Variants in XPNPEP2 observed in about 807,000 individuals in gnomAD.
XPNPEP2 encodes the protein X-prolyl aminopeptidase 2, also known as xaa-Pro aminopeptidase 2.
XPNPEP2 carries 64 observed loss-of-function variants against 59.8 expected under a neutral mutation model. The ratio of observed to expected loss-of-function variants is 1.07; its 90% CI spans 0.87 to 1.32. XPNPEP2 has a LOEUF of 1.32. Ranked by LOEUF, XPNPEP2 falls within the 40% of genes most tolerant of loss-of-function variation. The pLI is 0.00. For missense variants in XPNPEP2, 575 were observed against 546.8 expected (o/e 1.05, Z -0.51); for synonymous variants, 235 against 210.0 (o/e 1.12, Z -1.03).
chrX:129,759,218 G>C lies in XPNPEP2; in HGVS notation c.1406G>C (p.Gly469Ala). The C allele has an allele frequency of 8.3e-7, 1 of 1,211,711 alleles. No individual in the cohort carries two copies. Among genetic ancestry groups the C allele is most frequent in the East Asian group, 3.0e-5 (1 of 33,823 alleles). The change falls in exon 15 of 21, where the codon GGC (glycine) becomes GCC (alanine). Residue 469 changes from glycine (G) to alanine (A), a missense_variant. Gly to Ala is a moderately conservative substitution (Grantham distance 60). Coordinates refer to ENST00000371106, the MANE Select transcript of XPNPEP2 (RefSeq NM_003399.6). ...TTDITRTVHW[G>A]TPSAFQKEAY... is the part of the protein sequence containing the mutation. ...GACATCACCAGAACAGTCCACTGGG[G>C]CACCCCCTCTGCCTTCCAGAAGGTA...
chrX:129,747,591 C>G lies in XPNPEP2; in HGVS notation c.491-16C>G. ...TAAATGGGCAAGGGACAAGTGACTC[C>G]TTCTTGTCTCTGCAGACACCTGGGA... On this transcript the variant is annotated splice_polypyrimidine_tract_variant and intron_variant, in intron 6 of 20. Coordinates refer to ENST00000371106, the MANE Select transcript of XPNPEP2 (RefSeq NM_003399.6). The G allele has an allele frequency of 8.3e-7, 1 of 1,209,111 alleles. No individual in the cohort carries two copies.
intron 2 of XPNPEP2, among the ~76,000 whole-genome samples, chrX:129,743,211 G>A (rs546575889): frequency 1.9e-4 from 21 of 112,684 alleles, no homozygotes; most frequent in African/African-American, 5.5e-4. Context: ...TGGATATATC[G>A]TGGAGTAGAA....
chrX:129,753,018 C>T, intron 10 of XPNPEP2, 141 bp from the exon 11 acceptor site: 1 of 506,378 alleles, frequency 2.0e-6, no homozygotes, highest in South Asian at 3.0e-5. Context: ...GAGAGCATTG[C>T]CACGAAATGG....
chrX:129,750,709 C>A (rs1195518227), intron 8 of XPNPEP2, 140 bp downstream of exon 8: 5 of 497,753 alleles, frequency 1.0e-5, no homozygotes, highest in East Asian at 7.8e-5. Flanking sequence ...GGCCACAGCC[C>A]GTGGGAACCA....
At chrX:129,741,160 C>G (rs759425876) in intron 1 of XPNPEP2, among the ~76,000 whole-genome samples, 6 of 81,995 alleles carry the variant, frequency 7.3e-5, no homozygotes, top group Non-Finnish European at 6.6e-5. Context: ...GAGATGGTTG[C>G]TCAATGAATA....
chrX:129,762,156 A>G, intron 18 of XPNPEP2, 91 bp downstream of exon 18: 2 of 973,645 alleles, frequency 2.1e-6, no homozygotes, highest in Non-Finnish European at 2.9e-6. Context: ...ACTTCAGAGG[A>G]GCACAGCAGG....
chrX:129,758,335 G>C (rs1926594344), intron 14 of XPNPEP2, among the ~76,000 whole-genome samples: 1 of 111,280 alleles, frequency 9.0e-6, no homozygotes, highest in Non-Finnish European at 1.9e-5. Context: ...GCTCAGAGTA[G>C]GGTGAGGCCG....
In XPNPEP2 at chrX:129,764,076, C is replaced by T. The variant is rs925507321; in HGVS notation, c.1740+1306C>T. 1.1e-4 allele frequency among the ~76,000 whole-genome samples: 12 copies of T among 107,481 alleles called. No homozygotes were observed. The East Asian group carries it at 3.0e-3, about 27-fold the overall frequency. The allele number at this position is 107,481 out of a possible 115,157, so 93.3% of individuals were successfully genotyped here. ...AGTCTTTCTGTGCAAGACCAGAAGC[C>T]ATGAAGGAAAAGATTAATAACTCTG... On this transcript the variant is annotated intron_variant, in intron 19 of 20. Coordinates refer to ENST00000371106, the MANE Select transcript of XPNPEP2 (RefSeq NM_003399.6).
chrX:129,746,508 G>C (rs1926299854), intron 5 of XPNPEP2, 87 bp from the exon 6 acceptor site: 1 of 1,005,911 alleles, frequency 9.9e-7, no homozygotes, highest in Non-Finnish European at 1.4e-6. Flanking sequence ...GACACACATG[G>C]TAGGACCATC....
intron 1 of XPNPEP2, among the ~76,000 whole-genome samples, chrX:129,740,938 T>C (rs1297412960): frequency 1.2e-5 from 1 of 80,600 alleles, no homozygotes; most frequent in Non-Finnish European, 2.3e-5. Context: ...AGACTCTGTC[T>C]CAAAAAAAAA....
intron 4 of XPNPEP2, 80 bp from the exon 5 acceptor site, chrX:129,746,156 G>T: frequency 1.2e-6 from 1 of 823,752 alleles, no homozygotes; most frequent in South Asian, 2.2e-5. Flanking sequence ...CTCAGAGCCA[G>T]CACTGCATTG....
rs1485800701 is a variant in XPNPEP2, at chrX:129,755,449, G to C, written c.1295+78G>C. On this transcript the variant is annotated intron_variant, in intron 13 of 20. Coordinates refer to ENST00000371106, the MANE Select transcript of XPNPEP2 (RefSeq NM_003399.6). ...GTGTAGAGGAACAGGGTGAGGGGAG[G>C]GGGATGTTCTGGGACCTGAGTCCAC... is the stretch of plus-strand genomic sequence containing the variant. The C allele has an allele frequency of 6.8e-6, 7 of 1,025,660 alleles. No homozygotes were observed. In the African/African-American group the frequency reaches 1.1e-4, roughly 16 times the overall value. 84.5% of individuals were successfully genotyped at this position (1,025,660 alleles called of 1,213,427 possible).
chrX:129,757,857 AAG>A (rs1491424905), intron 14 of XPNPEP2, among the ~76,000 whole-genome samples: 2 of 77,225 alleles, frequency 2.6e-5, no homozygotes, highest in African/African-American at 6.3e-5. Context: ...GAAAGAAAGA[AAG>A]AGGGAGAGAG....
In XPNPEP2 at chrX:129,768,349, A is replaced by G; in HGVS notation, c.1889A>G (p.Gln630Arg). The change falls in exon 21 of 21, where the codon CAG (glutamine) becomes CGG (arginine). Residue 630 changes from glutamine (Q) to arginine (R), a missense_variant. By Grantham distance (43) the Gln-to-Arg change is conservative (BLOSUM62 1). Coordinates refer to ENST00000371106, the MANE Select transcript of XPNPEP2 (RefSeq NM_003399.6). ...TIREKVGPEL[Q>R]RRQLLEEFEW... is the part of the protein sequence containing the mutation. ...CGGGAGAAGGTGGGTCCAGAGCTGC[A>G]GAGGCGCCAGCTACTAGAGGAGTTC... is the stretch of plus-strand genomic sequence containing the variant. 3 of 1,208,282 alleles carry G rather than the reference A, an allele frequency of 2.5e-6. No individual in the cohort carries two copies. In the South Asian group the frequency reaches 5.3e-5, roughly 21 times the overall value.
intron 14 of XPNPEP2, among the ~76,000 whole-genome samples, chrX:129,757,931 G>A (rs959102496): frequency 9.4e-6 from 1 of 106,367 alleles, no homozygotes; most frequent in Non-Finnish European, 1.9e-5. Flanking sequence ...AAGAAAGAAA[G>A]AAAGAAAGAA....
chrX:129,759,752 G>A (rs1926621952), intron 15 of XPNPEP2, among the ~76,000 whole-genome samples: 1 of 112,965 alleles, frequency 8.9e-6, no homozygotes, highest in Non-Finnish European at 1.9e-5. Flanking sequence ...TGGAAACACA[G>A]AGAGGGGAAC....
At chrX:129,761,699 C>T (rs1926659556) in intron 17 of XPNPEP2, among the ~76,000 whole-genome samples, 1 of 112,171 alleles carries the variant, frequency 8.9e-6, no homozygotes, top group African/African-American at 3.2e-5. Context: ...TGGCATGTGC[C>T]TGTAGTCCTG....
intron 3 of XPNPEP2, 24 bp downstream of exon 3, chrX:129,744,095 T>C: frequency 8.6e-7 from 1 of 1,168,342 alleles, no homozygotes; most frequent in Non-Finnish European, 1.2e-6. Flanking sequence ...TCTCTCCCCC[T>C]TGCCCTCTCT....
rs186085551 is a variant in XPNPEP2, at chrX:129,766,939, C to T, written c.1741-664C>T. On this transcript the variant is annotated intron_variant, in intron 19 of 20. Coordinates refer to ENST00000371106, the MANE Select transcript of XPNPEP2 (RefSeq NM_003399.6). ...TTATAAAACCATCAGATCAGCCAGG[C>T]GTGGTGGGTCATGCCTGTAATCCCA... 9.9e-5 allele frequency among the ~76,000 whole-genome samples: 11 copies of T among 111,315 alleles called. No individual in the cohort carries two copies. The East Asian group carries it at 2.3e-3, about 23-fold the overall frequency.
Sources: gnomAD v4.1 joint callset for allele counts (sites outside exome capture counted in the v4.1 genomes callset) on GRCh38, gnomAD v4.1.1 for gene constraint, MANE v1.5 for transcripts, NCBI Gene and HGNC (gene_info 2026-07-23, HGNC 2026-07-21) for gene names.